Variants in RNF7 observed in about 807,000 individuals in gnomAD.
RNF7 encodes the protein ring finger protein 7.
Under a neutral mutation model 17.0 loss-of-function variants are expected in RNF7, and 9 were observed. The ratio of observed to expected loss-of-function variants is 0.53; its 90% CI spans 0.32 to 0.92. RNF7 has a LOEUF of 0.92. RNF7 is among the 40% of genes least tolerant of loss of function. The probability of loss-of-function intolerance (pLI) is 0.04; values close to 1 mark genes in which losing one functional copy is unlikely to be tolerated. For synonymous variants in RNF7, 59 were observed against 50.5 expected, an observed-to-expected ratio of 1.17 and a Z score of -0.72; for missense variants, 87 against 145.8, an observed-to-expected ratio of 0.60 and a Z score of 2.08.
chr3:141,743,451 G>A, intron 1 of RNF7, 58 bp from the exon 2 acceptor site: 2 of 1,416,838 alleles, frequency 1.4e-6, no homozygotes, highest in Non-Finnish European at 2.0e-6. Context: ...GAAGTGTCTG[G>A]TTTTTAAAAA....
rs561726300 is a variant in RNF7, at chr3:141,743,338, A to T, written c.176-171A>T. 5.9e-5 allele frequency among the ~76,000 whole-genome samples: 9 copies of T among 152,312 alleles called. No homozygotes were observed. In the South Asian group the frequency reaches 1.9e-3, roughly 32 times the overall value. On this transcript the variant is annotated intron_variant, in intron 1 of 2. Coordinates refer to ENST00000273480, the MANE Select transcript of RNF7 (RefSeq NM_014245.5). The stretch of plus-strand genomic sequence containing the variant: ...GAAATTGCTCCTGGTTATAATTAGT[A>T]GAATGCCTTGTACTTTATTCCTCTT...
intron 1 of RNF7, 83 bp from the exon 2 acceptor site, chr3:141,743,426 A>T: frequency 9.8e-7 from 1 of 1,021,318 alleles, no homozygotes. Context: ...CCTAACCCTT[A>T]GGGCTTTTGA....
At chr3:141,740,118 G>A (rs777373655) in intron 1 of RNF7, among the ~76,000 whole-genome samples, 2 of 150,946 alleles carry the variant, frequency 1.3e-5, no homozygotes, top group Non-Finnish European at 2.9e-5. Flanking sequence ...CCCCCACTTA[G>A]GAATCATAAT....
chr3:141,741,825 T>C (rs2084420449), intron 1 of RNF7, among the ~76,000 whole-genome samples: 1 of 152,158 alleles, frequency 6.6e-6, no homozygotes, highest in Admixed American at 6.5e-5. Context: ...CAAGGCACCC[T>C]TTTAAATAAC....
rs778065769 is a variant in RNF7 at position 141,746,908 on chromosome 3, A to G, written c.*1631A>G. 2.0e-5 allele frequency: 3 copies of G among 152,180 alleles called. No homozygotes were observed. Among genetic ancestry groups the G allele is most frequent in the Non-Finnish European group, 4.4e-5 (3 of 68,024 alleles). The allele number at this position is 152,180 out of a possible 1,614,324, so 9.4% of individuals were successfully genotyped here. On this transcript the variant is annotated 3_prime_UTR_variant, in exon 3 of 3. Coordinates refer to ENST00000273480, the MANE Select transcript of RNF7 (RefSeq NM_014245.5). ...AAAAATTATACAAATATCTTTGGCC[A>G]TTTAAATGTTTATCATTGTGCAGTG...
At chr3:141,743,370 G>C (rs1048589454) in intron 1 of RNF7, 139 bp from the exon 2 acceptor site, 2 of 583,896 alleles carry the variant, frequency 3.4e-6, no homozygotes, top group Non-Finnish European at 6.0e-6. Flanking sequence ...TCTTTAAGTA[G>C]TTATGTTCAG....
chr3:141,740,683 T>C (rs2084407060), intron 1 of RNF7, among the ~76,000 whole-genome samples: 1 of 152,222 alleles, frequency 6.6e-6, no homozygotes, highest in Non-Finnish European at 1.5e-5. Context: ...AAAGGTGTTA[T>C]TGTACTCCTT....
intron 1 of RNF7, among the ~76,000 whole-genome samples, chr3:141,739,410 T>C (rs538939177): frequency 7.9e-5 from 12 of 152,308 alleles, no homozygotes; most frequent in African/African-American, 2.9e-4. Flanking sequence ...CTTGTTATAT[T>C]TTATATGGTT....
chr3:141,743,707 A>T, intron 2 of RNF7, 151 bp downstream of exon 2: 1 of 540,244 alleles, frequency 1.9e-6, no homozygotes, highest in Non-Finnish European at 3.2e-6. Context: ...GTTGGTTCTC[A>T]AAAGAGTTTA....
intron 1 of RNF7, among the ~76,000 whole-genome samples, chr3:141,741,070 C>G (rs1229880884): frequency 2.6e-5 from 4 of 152,158 alleles, no homozygotes; most frequent in Non-Finnish European, 5.9e-5. Flanking sequence ...GTTATAATAG[C>G]CAGAGTAACC....
intron 2 of RNF7, among the ~76,000 whole-genome samples, chr3:141,743,974 C>A (rs2084446490): frequency 6.6e-6 from 1 of 152,094 alleles, no homozygotes; most frequent in Admixed American, 6.5e-5. Context: ...TAGAAAAATT[C>A]TAAGTCTCAA....
Position 141,746,463 on chromosome 3 carries a change from AT to A in RNF7, c.*1189del, listed in dbSNP as rs2084474451. ...TTTGTCAAGTAAATACTTTCATTTA[AT>A]TTGAAAGAATTCATATTCATTTGCT... is the stretch of plus-strand genomic sequence containing the variant. On this transcript the variant is annotated 3_prime_UTR_variant, in exon 3 of 3. Coordinates refer to ENST00000273480, the MANE Select transcript of RNF7 (RefSeq NM_014245.5). 6.6e-6 allele frequency: 1 copy of A among 152,226 alleles called. No individual in the cohort carries two copies. The highest frequency in any genetic ancestry group is 2.1e-4 in the South Asian group (1 of 4,834). 9.4% of individuals were successfully genotyped at this position (152,226 alleles called of 1,614,324 possible).
chr3:141,744,161 G>T (rs1435286001), intron 2 of RNF7, among the ~76,000 whole-genome samples: 1 of 152,104 alleles, frequency 6.6e-6, no homozygotes, highest in Non-Finnish European at 1.5e-5. Context: ...ATAAAAGATT[G>T]GCTTTGTATT....
chr3:141,743,940 C>T (rs2084446264), intron 2 of RNF7, among the ~76,000 whole-genome samples: 1 of 152,152 alleles, frequency 6.6e-6, no homozygotes, highest in African/African-American at 2.4e-5. Flanking sequence ...TCTTATAATA[C>T]AGTATTTAAC....
chr3:141,739,758 C>T (rs192265407), intron 1 of RNF7, among the ~76,000 whole-genome samples: 1 of 152,290 alleles, frequency 6.6e-6, no homozygotes, highest in Non-Finnish European at 1.5e-5. Context: ...TTATCTTTCT[C>T]TTTTGAAAGA....
chr3:141,738,970 G>C (rs2084387194), intron 1 of RNF7, among the ~76,000 whole-genome samples: 1 of 152,164 alleles, frequency 6.6e-6, no homozygotes, highest in Non-Finnish European at 1.5e-5. Flanking sequence ...TAATAGTCTT[G>C]GTCACCACCA....
At chr3:141,740,664 A>G (rs2084406944) in intron 1 of RNF7, among the ~76,000 whole-genome samples, 1 of 152,198 alleles carries the variant, frequency 6.6e-6, no homozygotes, top group South Asian at 2.1e-4. Flanking sequence ...TTACCCTAGC[A>G]TCATTCTAAA....
At position 141,747,230 on chromosome 3, in the gene RNF7, C is replaced by G. The variant is rs2084483307; in HGVS notation, c.*1953C>G. 1 of 152,220 alleles carries G rather than the reference C, an allele frequency of 6.6e-6. No individual in the cohort carries two copies. Among genetic ancestry groups the G allele is most frequent in the Admixed American group, 6.5e-5 (1 of 15,288 alleles). 9.4% of individuals were successfully genotyped at this position (152,220 alleles called of 1,614,324 possible). A position where few individuals can be genotyped will look rare whatever the true frequency, so the allele number is the denominator to read the frequency against. ...GCTGCTCAGCCTGCGATGATTACAG[C>G]TCATCTGCACAGCCATCTGAAAGTT... On this transcript the variant is annotated 3_prime_UTR_variant, in exon 3 of 3. Coordinates refer to ENST00000273480, the MANE Select transcript of RNF7 (RefSeq NM_014245.5).
At chr3:141,739,218 A>G (rs1228629936) in intron 1 of RNF7, among the ~76,000 whole-genome samples, 1 of 152,136 alleles carries the variant, frequency 6.6e-6, no homozygotes, top group Non-Finnish European at 1.5e-5. Context: ...CCCTTTTTTC[A>G]GAAACGTAAA....
Sources: allele counts gnomAD v4.1 joint callset (sites outside exome capture counted in the v4.1 genomes callset), GRCh38; gene constraint gnomAD v4.1.1; transcripts MANE v1.5; gene names NCBI Gene and HGNC (gene_info 2026-07-23, HGNC 2026-07-21).